Variants in STON1 observed in about 807,000 individuals in gnomAD.
STON1 encodes stonin 1, also known as stonin-1.
STON1 carries 79 observed loss-of-function variants against 60.9 expected under a neutral mutation model. The ratio of observed to expected loss-of-function variants is 1.30; its 90% CI spans 1.08 to 1.56. The LOEUF (loss-of-function observed/expected upper bound fraction) is 1.56, where lower values mean the gene tolerates loss of function less well. STON1 is among the 40% of genes most tolerant of loss of function. The probability of loss-of-function intolerance (pLI) is 0.00; values close to 1 mark genes in which losing one functional copy is unlikely to be tolerated. For synonymous variants in STON1, 363 were observed against 306.9 expected, an observed-to-expected ratio of 1.18 and a Z score of -1.91; for missense variants, 1,166 against 858.9, an observed-to-expected ratio of 1.36 and a Z score of -4.47.
chr2:48,567,345 CT>C, intron 1 of STON1, among the ~76,000 whole-genome samples: 1 of 152,200 alleles, frequency 6.6e-6, no homozygotes, highest in Middle Eastern at 3.2e-3. Context: ...CTGATGATTC[CT>C]TTTTGTTCCA....
At chr2:48,582,981 T>C (rs1370827671) in intron 2 of STON1, among the ~76,000 whole-genome samples, 1 of 152,266 alleles carries the variant, frequency 6.6e-6, no homozygotes, top group African/African-American at 2.4e-5. Flanking sequence ...TCTCAGCTGA[T>C]ACCACTTCTT....
chr2:48,584,085 C>T (rs960158387), intron 2 of STON1, among the ~76,000 whole-genome samples: 4 of 152,034 alleles, frequency 2.6e-5, no homozygotes, highest in African/African-American at 9.7e-5. Flanking sequence ...TTACTGTATA[C>T]CAAGTGCCAC....
At chr2:48,542,087 T>A (rs532729356) in intron 1 of STON1, among the ~76,000 whole-genome samples, 1 of 152,260 alleles carries the variant, frequency 6.6e-6, no homozygotes, top group South Asian at 2.1e-4. Context: ...GACGATGTTC[T>A]GTTTCTGCTG....
chr2:48,573,388 A>G (rs1326054608), intron 1 of STON1, among the ~76,000 whole-genome samples: 1 of 152,138 alleles, frequency 6.6e-6, no homozygotes, highest in Non-Finnish European at 1.5e-5. Flanking sequence ...TGGTAATACA[A>G]TTTCTGCTTT....
intron 1 of STON1, among the ~76,000 whole-genome samples, chr2:48,554,353 C>G (rs1426966113): frequency 1.3e-5 from 2 of 152,202 alleles, no homozygotes. Context: ...TCCCAACTAG[C>G]TGGGATTACA....
chr2:48,549,810 CAAAAAAA>C (rs59908100), intron 1 of STON1, among the ~76,000 whole-genome samples: 16 of 78,094 alleles, frequency 2.0e-4, no homozygotes, highest in African/African-American at 3.7e-4. Context: ...GACTCCATCT[CAAAAAAA>C]AAAAAAAAAA....
In STON1 at chr2:48,581,057, T is replaced by C. The variant is rs760927759; in HGVS notation, c.424T>C (p.Cys142Arg). 1.3e-6 allele frequency: 2 copies of C among 1,593,944 alleles called. No individual in the cohort carries two copies. Among genetic ancestry groups the C allele is most frequent in the Admixed American group, 1.8e-5 (1 of 56,478 alleles). The change falls in exon 2 of 4, where the codon TGT (cysteine) becomes CGT (arginine). Residue 142 changes from cysteine (C) to arginine (R), a missense_variant. Transcript: ENST00000404752. ...SHALLPSDHSCTHPTPKVGLP... is the reference protein window; with the variant it reads ...SHALLPSDHSRTHPTPKVGLP... ...TGCCTTGTTACCCAGTGACCACTCA[T>C]GTACACATCCAACTCCCAAAGTAGG...
chr2:48,581,426 CA>C lies in STON1; in HGVS notation c.794del (p.His265ProfsTer16). On this transcript the variant is annotated frameshift_variant, in exon 2 of 4. Coordinates refer to ENST00000404752, the MANE Select transcript of STON1 (RefSeq NM_006873.4). LOFTEE classifies it high-confidence loss of function. ...AEENASSFVP[H>X]TLFRSQPKSG... ...AGAAAATGCCTCTTCCTTTGTCCCC[CA>C]CACACTCTTCAGGAGTCAGCCAAAA... 1.2e-6 allele frequency: 2 copies of C among 1,613,718 alleles called. No individual in the cohort carries two copies. Among genetic ancestry groups the C allele is most frequent in the Non-Finnish European group, 1.7e-6 (2 of 1,179,658 alleles).
At chr2:48,574,490 A>G (rs981046107) in intron 1 of STON1, among the ~76,000 whole-genome samples, 1 of 152,192 alleles carries the variant, frequency 6.6e-6, no homozygotes. Context: ...CTTTTTTAAA[A>G]GGGTGAATTC....
chr2:48,565,051 T>C (rs1289147897), intron 1 of STON1, among the ~76,000 whole-genome samples: 45 of 141,582 alleles, frequency 3.2e-4, no homozygotes, highest in African/African-American at 1.1e-3. Flanking sequence ...TCTTCTTTTT[T>C]TTTTTTTTTT....
At chr2:48,587,732 C>T (rs1474824616) in intron 2 of STON1, among the ~76,000 whole-genome samples, 2 of 152,230 alleles carry the variant, frequency 1.3e-5, no homozygotes, top group East Asian at 3.8e-4. Flanking sequence ...CAGAGGACAA[C>T]ATTTTACAGG....
At chr2:48,576,525 T>G (rs572304905) in intron 1 of STON1, among the ~76,000 whole-genome samples, 307 of 145,528 alleles carry the variant, frequency 2.1e-3, no homozygotes, top group South Asian at 6.9e-3. Context: ...TAAAAGAAAA[T>G]AATGGCCATT....
chr2:48,592,145 C>G (rs1436717843), intron 3 of STON1, among the ~76,000 whole-genome samples: 1 of 152,132 alleles, frequency 6.6e-6, no homozygotes, highest in African/African-American at 2.4e-5. Flanking sequence ...GATGTTAGGA[C>G]ACCATTTCTC....
At chr2:48,576,002 C>A (rs929809718) in intron 1 of STON1, among the ~76,000 whole-genome samples, 1 of 151,546 alleles carries the variant, frequency 6.6e-6, no homozygotes, top group African/African-American at 2.4e-5. Context: ...AGGTGATCCA[C>A]CTGTCTTGGC....
chr2:48,535,307 C>T (rs1297262850), intron 1 of STON1, among the ~76,000 whole-genome samples: 1 of 152,130 alleles, frequency 6.6e-6, no homozygotes, highest in Non-Finnish European at 1.5e-5. Flanking sequence ...GAAAGCTTGC[C>T]TATGTGGGTG....
At chr2:48,547,682 C>G (rs570609068) in intron 1 of STON1, among the ~76,000 whole-genome samples, 1 of 152,282 alleles carries the variant, frequency 6.6e-6, no homozygotes, top group East Asian at 1.9e-4. Context: ...CTGTTTGTCT[C>G]AAGTTATCTG....
intron 3 of STON1, among the ~76,000 whole-genome samples, chr2:48,593,170 C>T (rs1205113129): frequency 6.6e-6 from 1 of 152,052 alleles, no homozygotes; most frequent in Non-Finnish European, 1.5e-5. Flanking sequence ...GGTTGGAGTG[C>T]AGTGGCATGG....
intron 1 of STON1, 51 bp from the exon 2 acceptor site, chr2:48,580,536 C>A (rs989522778): frequency 2.4e-6 from 3 of 1,226,770 alleles, no homozygotes; most frequent in Non-Finnish European, 3.2e-6. Flanking sequence ...AGTAATGATT[C>A]CCCCCTTCAT....
chr2:48,595,424 T>A lies in STON1; in HGVS notation c.*122T>A. The A allele has an allele frequency of 1.2e-6, 1 of 803,530 alleles. No homozygotes were observed. The highest frequency in any genetic ancestry group is 2.7e-5 in the East Asian group (1 of 36,852). 49.8% of individuals were successfully genotyped at this position (803,530 alleles called of 1,614,324 possible). On this transcript the variant is annotated 3_prime_UTR_variant, in exon 4 of 4. Transcript: ENST00000404752. ...AATAGCGGTTTTAGGACAGGTCTGA[T>A]GGCTGTGTTTAGAGAAGTTTAGACC...
Sources: gnomAD v4.1 joint callset for allele counts (sites outside exome capture counted in the v4.1 genomes callset) on GRCh38, gnomAD v4.1.1 for gene constraint, MANE v1.5 for transcripts, NCBI Gene and HGNC (gene_info 2026-07-23, HGNC 2026-07-21) for gene names.